Variants in BAIAP2 observed in about 807,000 individuals in gnomAD.
BAIAP2 encodes BAR/IMD domain containing adaptor protein 2.
In BAIAP2, 18 loss-of-function variants were observed where a neutral mutation model predicts 63.0. That is an observed-to-expected ratio of 0.29 (90% confidence interval 0.20 to 0.42). The LOEUF (loss-of-function observed/expected upper bound fraction) is 0.42, where lower values mean the gene tolerates loss of function less well. BAIAP2 is among the 10% of genes least tolerant of loss of function. The pLI, the probability that BAIAP2 is intolerant of heterozygous loss-of-function variation, is 1.00. For missense variants in BAIAP2, 610 were observed against 734.3 expected, an observed-to-expected ratio of 0.83 and a Z score of 1.96; for synonymous variants, 386 against 307.6, an observed-to-expected ratio of 1.25 and a Z score of -2.67.
At chr17:81,054,825 G>A (rs138550429) in intron 2 of BAIAP2, among the ~76,000 whole-genome samples, 1,951 of 152,230 alleles carry the variant, frequency 0.013, 42 homozygotes, top group African/African-American at 0.042. Flanking sequence ...GGGTCTTTCC[G>A]TCCTGGTGGG....
chr17:81,045,621 G>T (rs1012151972), intron 1 of BAIAP2, among the ~76,000 whole-genome samples: 4 of 152,248 alleles, frequency 2.6e-5, no homozygotes, highest in East Asian at 1.9e-4. Context: ...GCTCCTGGAG[G>T]CTGAGAACTG....
chr17:81,103,000 G>C (rs942487004), intron 7 of BAIAP2, among the ~76,000 whole-genome samples: 1 of 152,234 alleles, frequency 6.6e-6, no homozygotes, highest in Non-Finnish European at 1.5e-5. Flanking sequence ...AGGCCGCAGA[G>C]TACGCCCGAG....
chr17:81,091,308 G>A (rs2056727237), intron 6 of BAIAP2, among the ~76,000 whole-genome samples: 1 of 151,810 alleles, frequency 6.6e-6, no homozygotes, highest in Non-Finnish European at 1.5e-5. Flanking sequence ...TGCAGGGAAA[G>A]GGCCTGCTGG....
At chr17:81,105,642 TTTGTGCCTTC>T (rs1459510648) in intron 10 of BAIAP2, 1 of 171,150 alleles carries the variant, frequency 5.8e-6, no homozygotes, top group African/African-American at 2.4e-5. Flanking sequence ...GGCCCTGACA[TTTGTGCCTTC>T]CTAAGCTTGG....
At chr17:81,056,135 A>G (rs999393023) in intron 2 of BAIAP2, among the ~76,000 whole-genome samples, 2 of 152,144 alleles carry the variant, frequency 1.3e-5, no homozygotes, top group Non-Finnish European at 2.9e-5. Flanking sequence ...CCCGAATCAG[A>G]GTAGGAAGGC....
chr17:81,105,824 C>T, intron 10 of BAIAP2: 1 of 436,254 alleles, frequency 2.3e-6, no homozygotes. Context: ...GGCTCTGGGG[C>T]CTTGCAGTTG....
chr17:81,074,986 C>T (rs988897030), intron 3 of BAIAP2, among the ~76,000 whole-genome samples: 2 of 152,228 alleles, frequency 1.3e-5, no homozygotes, highest in African/African-American at 2.4e-5. Flanking sequence ...GTTTTCTAAA[C>T]CACAGGGAAG....
intron 1 of BAIAP2, among the ~76,000 whole-genome samples, chr17:81,051,301 C>T (rs997198188): frequency 3.3e-5 from 5 of 152,228 alleles, no homozygotes; most frequent in African/African-American, 1.2e-4. Context: ...CATCCCAGAG[C>T]CTCTGATGGG....
Position 81,086,451 on chromosome 17 carries a change from G to A in BAIAP2, c.360G>A (p.Leu120=). The A allele has an allele frequency of 6.2e-7, 1 of 1,613,966 alleles. No homozygotes were observed. The highest frequency in any genetic ancestry group is 8.5e-7 in the Non-Finnish European group (1 of 1,179,884). ...TATTGTTTGAATCTCAGGCTGCGCT[G>A]AAGAAATACCAGACTGAGCAAAGGA... ...ELDSRYLSAA[L]KKYQTEQRSK... Residue 120 remains leucine, a synonymous_variant, in exon 6 of 14, where the codon CTG becomes CTA. Transcript: ENST00000428708.
At position 81,046,053 on chromosome 17, in the gene BAIAP2, C is replaced by A. The variant is rs769839502; in HGVS notation, c.55-7615C>A. On this transcript the variant is annotated intron_variant, in intron 1 of 13. Transcript: ENST00000428708. The surrounding 1 kb of genome is among the most constrained non-coding windows in gnomAD (Gnocchi z 4.5). ...GGGTTTGGCCACCCAGTTTTCTTCT[C>A]CCCTCGGCTGTGGGGACCCTATTAA... Among the ~76,000 whole-genome samples, 1 of 152,136 alleles carries A rather than the reference C, an allele frequency of 6.6e-6. No individual in the cohort carries two copies. Among genetic ancestry groups the A allele is most frequent in the Non-Finnish European group, 1.5e-5 (1 of 68,000 alleles).
chr17:81,108,370 A>AC (rs1278957880), intron 12 of BAIAP2, 105 bp from the exon 13 acceptor site: 19 of 1,317,906 alleles, frequency 1.4e-5, no homozygotes, highest in Non-Finnish European at 1.9e-5. Flanking sequence ...CACGGTTTGA[A>AC]CCTTGTCCAG....
chr17:81,074,648 G>A (rs2053338396), intron 3 of BAIAP2, among the ~76,000 whole-genome samples: 1 of 149,738 alleles, frequency 6.7e-6, no homozygotes, highest in South Asian at 2.1e-4. Context: ...TGCGTTGAGT[G>A]CCTCTGTGTC....
At chr17:81,106,195 G>A (rs954889444) in intron 11 of BAIAP2, 49 bp downstream of exon 11, 3 of 1,532,156 alleles carry the variant, frequency 2.0e-6, no homozygotes, top group African/African-American at 2.7e-5. Flanking sequence ...TCGGGAGAGG[G>A]GCTGTGATGA....
intron 13 of BAIAP2, among the ~76,000 whole-genome samples, chr17:81,110,712 G>A (rs1350931598): frequency 6.6e-6 from 1 of 152,210 alleles, no homozygotes; most frequent in East Asian, 1.9e-4. Flanking sequence ...GCTGAGGCAG[G>A]CTCCTGGCTC....
chr17:81,060,184 CAG>C (rs1184766056), intron 3 of BAIAP2, among the ~76,000 whole-genome samples: 1 of 152,190 alleles, frequency 6.6e-6, no homozygotes, highest in Non-Finnish European at 1.5e-5. Flanking sequence ...GCTTGATTGA[CAG>C]AATTCACATG....
chr17:81,080,209 G>A (rs574002570), intron 3 of BAIAP2, among the ~76,000 whole-genome samples: 1 of 152,356 alleles, frequency 6.6e-6, no homozygotes, highest in South Asian at 2.1e-4. Context: ...AGCGCTGGTG[G>A]CTGCACACAC....
intron 13 of BAIAP2, among the ~76,000 whole-genome samples, chr17:81,112,779 C>T (rs780843715): frequency 1.6e-4 from 25 of 152,300 alleles, no homozygotes; most frequent in African/African-American, 4.3e-4. Context: ...GGCCGAGCGC[C>T]GTGGCCCACA....
intron 3 of BAIAP2, among the ~76,000 whole-genome samples, chr17:81,064,997 C>T (rs1239994237): frequency 6.6e-6 from 1 of 152,326 alleles, no homozygotes; most frequent in Admixed American, 6.5e-5. Flanking sequence ...TTCCAATCCC[C>T]GCCATGGTGT....
intron 13 of BAIAP2, among the ~76,000 whole-genome samples, chr17:81,111,817 G>T (rs2059962261): frequency 6.6e-6 from 1 of 152,232 alleles, no homozygotes; most frequent in Admixed American, 6.5e-5. Context: ...GGCGGGTCCT[G>T]CTTCCCACCA....
Sources: allele counts gnomAD v4.1 joint callset (sites outside exome capture counted in the v4.1 genomes callset), GRCh38; gene constraint gnomAD v4.1.1; non-coding constraint Gnocchi (gnomAD v3.1); transcripts MANE v1.5; gene names NCBI Gene and HGNC (gene_info 2026-07-23, HGNC 2026-07-21).